Variants in DUSP19 observed in about 807,000 individuals in gnomAD.
The protein encoded by DUSP19 is dual specificity phosphatase 19, also known as dual specificity protein phosphatase 19.
In DUSP19, 14 loss-of-function variants were observed where a neutral mutation model predicts 16.6. The observed-to-expected ratio is 0.84, with a 90% CI of 0.56 to 1.32. DUSP19 has a LOEUF of 1.32. Ranked by LOEUF, DUSP19 falls within the 40% of genes most tolerant of loss-of-function variation. The pLI, the probability that DUSP19 is intolerant of heterozygous loss-of-function variation, is 0.00. For missense variants in DUSP19, 258 were observed against 255.9 expected (o/e 1.01, Z -0.06); for synonymous variants, 81 against 90.5 (o/e 0.90, Z 0.59).
chr2:183,078,987 G>A lies in DUSP19; in HGVS notation c.54G>A (p.Lys18=), dbSNP rs745948853. The change falls in exon 1 of 4, where the codon AAG becomes AAA. Residue 18 remains lysine, a synonymous_variant. Transcript: ENST00000354221. ...CATTCTCCCGGAATAATCTCAGGAA[G>A]CAATGCACCAGGGTGACAACGCTAA... ...IKAFSRNNLR[K]QCTRVTTLTG... The A allele has an allele frequency of 2.5e-6, 4 of 1,614,146 alleles. No homozygotes were observed. Among genetic ancestry groups the A allele is most frequent in the Non-Finnish European group, 3.4e-6 (4 of 1,180,024 alleles).
intron 3 of DUSP19, 52 bp from the exon 4 acceptor site, chr2:183,095,379 T>C: frequency 6.8e-7 from 1 of 1,469,196 alleles, no homozygotes. Flanking sequence ...ATTGATATAA[T>C]AACCTTTCTC....
At chr2:183,092,033 C>T (rs1699738242) in intron 3 of DUSP19, among the ~76,000 whole-genome samples, 2 of 152,150 alleles carry the variant, frequency 1.3e-5, no homozygotes, top group South Asian at 4.1e-4. Flanking sequence ...TGCTACCAGA[C>T]CTCTGCAGGA....
At chr2:183,085,233 G>T (rs1699644426) in intron 2 of DUSP19, among the ~76,000 whole-genome samples, 1 of 152,148 alleles carries the variant, frequency 6.6e-6, no homozygotes, top group Non-Finnish European at 1.5e-5. Flanking sequence ...AAGTAAGAGA[G>T]AAGAGGGCCT....
chr2:183,096,401 T>G lies in DUSP19; in HGVS notation c.*743T>G, dbSNP rs1243211308. ...ATAGGTGCCTGCCACCATGCCCAGC[T>G]AATTTTTGTGTTTTTAGTAGAGATG... On this transcript the variant is annotated 3_prime_UTR_variant, in exon 4 of 4. Coordinates refer to ENST00000354221, the MANE Select transcript of DUSP19 (RefSeq NM_080876.4). 1 of 152,082 alleles carries G rather than the reference T, an allele frequency of 6.6e-6. No homozygotes were observed. Among genetic ancestry groups the G allele is most frequent in the Non-Finnish European group, 1.5e-5 (1 of 68,056 alleles). 9.4% of individuals were successfully genotyped at this position (152,082 alleles called of 1,614,324 possible). A position where few individuals can be genotyped will look rare whatever the true frequency, so the allele number is the denominator to read the frequency against.
intron 2 of DUSP19, among the ~76,000 whole-genome samples, chr2:183,086,537 T>A (rs562906234): frequency 6.6e-6 from 1 of 150,436 alleles, no homozygotes; most frequent in Non-Finnish European, 1.5e-5. Flanking sequence ...CCAGGTGTGG[T>A]GGCTTATACC....
At chr2:183,091,910 A>G (rs1310807373) in intron 3 of DUSP19, among the ~76,000 whole-genome samples, 1 of 152,106 alleles carries the variant, frequency 6.6e-6, no homozygotes, top group Non-Finnish European at 1.5e-5. Flanking sequence ...TTTTGTTTCA[A>G]AGCAGTCTAC....
intron 3 of DUSP19, among the ~76,000 whole-genome samples, chr2:183,092,985 A>T (rs989416049): frequency 6.6e-5 from 10 of 152,168 alleles, no homozygotes; most frequent in Non-Finnish European, 1.5e-4. Flanking sequence ...TACAGGTGTG[A>T]GCCACTGTGC....
rs1699796020 is a variant in DUSP19 at position 183,095,939 on chromosome 2, G to T, written c.*281G>T. The T allele has an allele frequency of 4.7e-6, 1 of 210,830 alleles. No homozygotes were observed. Among genetic ancestry groups the T allele is most frequent in the South Asian group, 1.7e-4 (1 of 5,838 alleles). 13.1% of individuals were successfully genotyped at this position (210,830 alleles called of 1,614,324 possible). On this transcript the variant is annotated 3_prime_UTR_variant, in exon 4 of 4. Coordinates refer to ENST00000354221, the MANE Select transcript of DUSP19 (RefSeq NM_080876.4). ...TCATTGCTTTCTGTAGAAGAAAAAGGTTTAAATTTAAAATGTGTATTTAGA... is the reference window on the plus strand; with the variant it reads ...TCATTGCTTTCTGTAGAAGAAAAAGTTTTAAATTTAAAATGTGTATTTAGA...
rs1699834807 is a variant in DUSP19 at position 183,098,636 on chromosome 2, G to C, written c.*2978G>C. 6.6e-6 allele frequency: 1 copy of C among 152,106 alleles called. No homozygotes were observed. Among genetic ancestry groups the C allele is most frequent in the Non-Finnish European group, 1.5e-5 (1 of 68,006 alleles). 9.4% of individuals were successfully genotyped at this position (152,106 alleles called of 1,614,324 possible). On this transcript the variant is annotated 3_prime_UTR_variant, in exon 4 of 4. Coordinates refer to ENST00000354221, the MANE Select transcript of DUSP19 (RefSeq NM_080876.4). ...ATTCTGCCATTTTTTAAAGGAAAGGGAAAATGAAAACAGCATGTCTTTTTA... is the reference window on the plus strand; with the variant it reads ...ATTCTGCCATTTTTTAAAGGAAAGGCAAAATGAAAACAGCATGTCTTTTTA...
At chr2:183,083,178 C>A (rs1173134747) in intron 1 of DUSP19, among the ~76,000 whole-genome samples, 1 of 152,028 alleles carries the variant, frequency 6.6e-6, no homozygotes, top group Non-Finnish European at 1.5e-5. Flanking sequence ...ACAATTATAC[C>A]ATTTTTTATT....
Position 183,084,650 on chromosome 2 carries a change from CA to C in DUSP19, c.273+1100del, listed in dbSNP as rs1699637839. On this transcript the variant is annotated intron_variant, in intron 2 of 3. Coordinates refer to ENST00000354221, the MANE Select transcript of DUSP19 (RefSeq NM_080876.4). ...CAAAGTTAGTTGTGTGGACTTGATC[CA>C]AAAGACTATGGAAAGCCACTGAGAA... Among the ~76,000 whole-genome samples the C allele has an allele frequency of 2.0e-5, 3 of 152,022 alleles. No individual in the cohort carries two copies. The South Asian group carries it at 6.2e-4, about 32-fold the overall frequency.
At chr2:183,087,223 G>C (rs768219274) in intron 3 of DUSP19, 31 bp downstream of exon 3, 1 of 1,587,296 alleles carries the variant, frequency 6.3e-7, no homozygotes. Context: ...TAGTTCTGCA[G>C]AAGCAGAAAT....
intron 2 of DUSP19, among the ~76,000 whole-genome samples, chr2:183,085,844 T>A (rs1341044531): frequency 1.6e-5 from 2 of 126,828 alleles, no homozygotes; most frequent in Non-Finnish European, 3.3e-5. Flanking sequence ...ACAAGGTTGT[T>A]AGGTTTTTTT....
Position 183,097,341 on chromosome 2 carries a change from A to G in DUSP19, c.*1683A>G, listed in dbSNP as rs935615039. The G allele has an allele frequency of 1.3e-5, 2 of 152,116 alleles. No individual in the cohort carries two copies. The highest frequency in any genetic ancestry group is 2.9e-5 in the Non-Finnish European group (2 of 68,022). 9.4% of individuals were successfully genotyped at this position (152,116 alleles called of 1,614,324 possible). A position where few individuals can be genotyped will look rare whatever the true frequency, so the allele number is the denominator to read the frequency against. On this transcript the variant is annotated 3_prime_UTR_variant, in exon 4 of 4. Transcript: ENST00000354221. ...CCACGCCTGGCCTGATAGTTTCCACATAGTTTTTCATGACTTAGAAGATAT... is the reference window on the plus strand; with the variant it reads ...CCACGCCTGGCCTGATAGTTTCCACGTAGTTTTTCATGACTTAGAAGATAT...
chr2:183,083,511 C>G lies in DUSP19; in HGVS notation c.230C>G (p.Ser77Ter). 6.2e-7 allele frequency: 1 copy of G among 1,609,232 alleles called. No homozygotes were observed. Among genetic ancestry groups the G allele is most frequent in the Non-Finnish European group, 8.5e-7 (1 of 1,177,656 alleles). The change falls in exon 2 of 4, where the codon TCA (serine) becomes TGA (stop). Residue 77 changes from serine to a stop codon, truncating the protein, a stop_gained. Transcript: ENST00000354221. LOFTEE classifies it high-confidence loss of function. ...TGGTATCATTTATTTCTTCTAGGGT[C>G]ACAAGATGCTGCTCATGATTTGGAT... is the stretch of plus-strand genomic sequence containing the variant. ...GVIKPWLLLGSQDAAHDLDTL... is the reference protein window; with the variant it reads ...GVIKPWLLLG
chr2:183,093,883 A>G (rs1699764772), intron 3 of DUSP19, among the ~76,000 whole-genome samples: 3 of 152,160 alleles, frequency 2.0e-5, no homozygotes, highest in Admixed American at 1.3e-4. Context: ...GTATCTAATT[A>G]ATTTGTTTTA....
rs1575090792 is a variant in DUSP19 at position 183,079,110 on chromosome 2, C to A, written c.177C>A (p.Asp59Glu). The A allele has an allele frequency of 6.2e-7, 1 of 1,613,938 alleles. No homozygotes were observed. The highest frequency in any genetic ancestry group is 8.5e-7 in the Non-Finnish European group (1 of 1,179,982). ...SSGGGCGYVQ[D>E]LSSDLQVGVI... ...GGGGTGGTTGTGGTTATGTGCAGGACCTTAGCTCGGACCTGCAAGTTGGCG... is the reference window on the plus strand; with the variant it reads ...GGGGTGGTTGTGGTTATGTGCAGGAACTTAGCTCGGACCTGCAAGTTGGCG... Residue 59 changes from aspartate to glutamate, a missense_variant, in exon 1 of 4, where the codon GAC becomes GAA. Coordinates refer to ENST00000354221, the MANE Select transcript of DUSP19 (RefSeq NM_080876.4).
chr2:183,093,334 T>C (rs570161531), intron 3 of DUSP19, among the ~76,000 whole-genome samples: 1 of 152,190 alleles, frequency 6.6e-6, no homozygotes, highest in South Asian at 2.1e-4. Context: ...AACTACTATA[T>C]GCCAAGAATT....
intron 1 of DUSP19, 47 bp from the exon 2 acceptor site, chr2:183,083,461 A>G (rs1313220378): frequency 1.3e-6 from 2 of 1,513,868 alleles, no homozygotes; most frequent in Non-Finnish European, 1.8e-6. Context: ...ATAAAAGTTC[A>G]AGATGATTAT....
Sources: allele counts gnomAD v4.1 joint callset (sites outside exome capture counted in the v4.1 genomes callset), GRCh38; gene constraint gnomAD v4.1.1; transcripts MANE v1.5; gene names NCBI Gene and HGNC (gene_info 2026-07-23, HGNC 2026-07-21).